SNTB1: variants seen among roughly 807,000 people sequenced by gnomAD.
SNTB1 encodes the protein beta-1-syntrophin.
A neutral mutation model predicts 48.9 loss-of-function variants in SNTB1; 36 were observed. The ratio of observed to expected loss-of-function variants is 0.74; its 90% CI spans 0.56 to 0.97. The LOEUF (loss-of-function observed/expected upper bound fraction) is 0.97. Among genes scored for constraint, SNTB1 ranks in the 50% least tolerant of loss-of-function variants. SNTB1 has a pLI of 0.00. For synonymous variants in SNTB1, 299 were observed against 294.6 expected, an observed-to-expected ratio of 1.01 and a Z score of -0.15; for missense variants, 786 against 703.4, an observed-to-expected ratio of 1.12 and a Z score of -1.33.
chr8:120,698,163 C>A (rs1415952930), intron 1 of SNTB1, among the ~76,000 whole-genome samples: 2 of 152,092 alleles, frequency 1.3e-5, no homozygotes, highest in Non-Finnish European at 2.9e-5. Context: ...ACTTCACCAC[C>A]AAGAAAAATA....
rs564492961 is a variant in SNTB1, at chr8:120,757,157, A to G, written c.571+54116T>C. Among the ~76,000 whole-genome samples the G allele has an allele frequency of 2.6e-5, 4 of 152,184 alleles. No homozygotes were observed. In the South Asian group the frequency reaches 8.3e-4, roughly 31 times the overall value. ...AACAACACTGAAAGAGGCTGAGTCAATTTCTCAAGGTCATACTTTTACTCA... is the reference window on the plus strand; with the variant it reads ...AACAACACTGAAAGAGGCTGAGTCAGTTTCTCAAGGTCATACTTTTACTCA... On this transcript the variant is annotated intron_variant, in intron 1 of 6. Coordinates refer to ENST00000517992, the MANE Select transcript of SNTB1 (RefSeq NM_021021.4).
intron 2 of SNTB1, among the ~76,000 whole-genome samples, chr8:120,688,220 T>A (rs1438874966): frequency 4.6e-5 from 7 of 152,184 alleles, no homozygotes; most frequent in Non-Finnish European, 7.3e-5. Flanking sequence ...ACTTAAAGCC[T>A]CATAAACTAC....
intron 1 of SNTB1, among the ~76,000 whole-genome samples, chr8:120,704,908 G>C (rs147582989): frequency 5.3e-5 from 8 of 152,188 alleles, no homozygotes; most frequent in Non-Finnish European, 1.5e-5. Context: ...GTTAAAAGCT[G>C]TTGATAAGAA....
chr8:120,791,010 T>C (rs185089090), intron 1 of SNTB1, among the ~76,000 whole-genome samples: 2 of 151,736 alleles, frequency 1.3e-5, no homozygotes, highest in African/African-American at 4.8e-5. Flanking sequence ...TAGTATATAG[T>C]ACTATATACT....
intron 3 of SNTB1, among the ~76,000 whole-genome samples, chr8:120,590,261 C>T (rs981987097): frequency 1.3e-5 from 2 of 152,184 alleles, no homozygotes; most frequent in African/African-American, 4.8e-5. Context: ...CTTTACTTTT[C>T]CCCCTCAAAA....
At chr8:120,661,587 G>T (rs370574128) in intron 2 of SNTB1, among the ~76,000 whole-genome samples, 51 of 152,066 alleles carry the variant, frequency 3.4e-4, no homozygotes, top group African/African-American at 1.2e-3. Context: ...CTATCAACCC[G>T]TCATCTAGGT....
At chr8:120,614,755 T>G (rs1044100799) in intron 3 of SNTB1, among the ~76,000 whole-genome samples, 1 of 152,114 alleles carries the variant, frequency 6.6e-6, no homozygotes. Context: ...TGGAGGGATT[T>G]TTTTTTAATT....
chr8:120,552,957 G>A (rs955049352), intron 4 of SNTB1, among the ~76,000 whole-genome samples: 1 of 151,996 alleles, frequency 6.6e-6, no homozygotes, highest in Non-Finnish European at 1.5e-5. Context: ...GAGCAATAGA[G>A]TTAGAACTCT....
At chr8:120,639,563 T>G (rs1248350758) in intron 2 of SNTB1, among the ~76,000 whole-genome samples, 2 of 152,224 alleles carry the variant, frequency 1.3e-5, no homozygotes, top group African/African-American at 4.8e-5. Flanking sequence ...GTATAAGGTG[T>G]AAGGAAGGGA....
intron 6 of SNTB1, 23 bp from the exon 7 acceptor site, chr8:120,538,992 C>G (rs1815242988): frequency 1.3e-6 from 2 of 1,575,894 alleles, no homozygotes; most frequent in East Asian, 2.2e-5. Context: ...AAGAAGAGAG[C>G]ATGAGCGATT....
At chr8:120,625,230 G>T (rs1012370108) in intron 3 of SNTB1, among the ~76,000 whole-genome samples, 8 of 152,206 alleles carry the variant, frequency 5.3e-5, no homozygotes, top group Admixed American at 2.0e-4. Context: ...GAACACTGGG[G>T]GACACGTTCA....
At chr8:120,611,028 C>T (rs1816615113) in intron 3 of SNTB1, among the ~76,000 whole-genome samples, 1 of 152,150 alleles carries the variant, frequency 6.6e-6, no homozygotes, top group South Asian at 2.1e-4. Flanking sequence ...GTAATTGCTT[C>T]CTGCTGACAC....
intron 2 of SNTB1, among the ~76,000 whole-genome samples, chr8:120,679,430 T>C (rs1261850938): frequency 2.6e-5 from 4 of 152,140 alleles, no homozygotes; most frequent in African/African-American, 9.7e-5. Flanking sequence ...CATCAAGACA[T>C]ACCTGACCTG....
chr8:120,677,129 C>T (rs1246193778), intron 2 of SNTB1, among the ~76,000 whole-genome samples: 1 of 151,850 alleles, frequency 6.6e-6, no homozygotes, highest in African/African-American at 2.4e-5. Flanking sequence ...AAACCTGATG[C>T]ATATGGAAGT....
At chr8:120,786,474 A>G (rs1819925551) in intron 1 of SNTB1, among the ~76,000 whole-genome samples, 1 of 152,152 alleles carries the variant, frequency 6.6e-6, no homozygotes, top group Admixed American at 6.5e-5. Context: ...CTGCAGACAC[A>G]GCTGGGGCTT....
At chr8:120,766,973 G>A (rs1819536697) in intron 1 of SNTB1, among the ~76,000 whole-genome samples, 1 of 151,768 alleles carries the variant, frequency 6.6e-6, no homozygotes, top group Non-Finnish European at 1.5e-5. Flanking sequence ...TTATCCCAGA[G>A]TTTTTTTCAC....
At position 120,537,041 on chromosome 8, in the gene SNTB1, A is replaced by C. The variant is rs1323161181; in HGVS notation, c.*1836T>G. On this transcript the variant is annotated 3_prime_UTR_variant, in exon 7 of 7. Coordinates refer to ENST00000517992, the MANE Select transcript of SNTB1 (RefSeq NM_021021.4). ...GCAATATAATTTACAAATGCATCAA[A>C]GCTTTTCTATGGTATTCAAACTGGG... 1 of 152,044 alleles carries C rather than the reference A, an allele frequency of 6.6e-6. No individual in the cohort carries two copies. The highest frequency in any genetic ancestry group is 1.5e-5 in the Non-Finnish European group (1 of 67,996). The allele number at this position is 152,044 out of a possible 1,614,324, so 9.4% of individuals were successfully genotyped here. A position where few individuals can be genotyped will look rare whatever the true frequency, so the allele number is the denominator to read the frequency against.
intron 1 of SNTB1, among the ~76,000 whole-genome samples, chr8:120,719,924 A>C (rs1003640052): frequency 7.9e-5 from 12 of 152,340 alleles, no homozygotes; most frequent in Admixed American, 4.6e-4. Context: ...AGGCTCAAAA[A>C]GCCTCGCCTT....
chr8:120,616,525 C>A (rs893105188), intron 3 of SNTB1, among the ~76,000 whole-genome samples: 6 of 151,378 alleles, frequency 4.0e-5, no homozygotes, highest in African/African-American at 1.5e-4. Context: ...TACATTGCCC[C>A]AGGCTGGTCT....
Sources: allele counts gnomAD v4.1 joint callset (sites outside exome capture counted in the v4.1 genomes callset), GRCh38; gene constraint gnomAD v4.1.1; transcripts MANE v1.5; gene names NCBI Gene and HGNC (gene_info 2026-07-23, HGNC 2026-07-21).